Variants in CLASP1 observed in about 807,000 individuals in gnomAD.
CLASP1 encodes the protein CLIP-associating protein 1.
CLASP1 carries 38 observed loss-of-function variants against 192.3 expected under a neutral mutation model. The ratio of observed to expected loss-of-function variants is 0.20; its 90% CI spans 0.15 to 0.26. The LOEUF (loss-of-function observed/expected upper bound fraction) is 0.26, where lower values mean the gene tolerates loss of function less well. Among genes scored for constraint, CLASP1 ranks in the 10% least tolerant of loss-of-function variants. CLASP1 has a pLI of 1.00. For missense variants in CLASP1, 1,433 were observed against 1,932.5 expected, an observed-to-expected ratio of 0.74 and a Z score of 4.85; for synonymous variants, 691 against 712.8, an observed-to-expected ratio of 0.97 and a Z score of 0.49.
chr2:121,593,573 C>T (rs544006050), intron 2 of CLASP1, among the ~76,000 whole-genome samples: 30 of 145,714 alleles, frequency 2.1e-4, no homozygotes, highest in Admixed American at 1.9e-3. Context: ...GAGCTGAGAT[C>T]GTGCCACTGC....
chr2:121,631,929 C>T (rs906709841), intron 1 of CLASP1, among the ~76,000 whole-genome samples: 1 of 152,018 alleles, frequency 6.6e-6, no homozygotes, highest in Non-Finnish European at 1.5e-5. Flanking sequence ...CCCATGTAAT[C>T]CCAGCTACTC....
chr2:121,376,967 G>C (rs1382728632), intron 34 of CLASP1, among the ~76,000 whole-genome samples: 1 of 152,190 alleles, frequency 6.6e-6, no homozygotes, highest in Non-Finnish European at 1.5e-5. Context: ...ACATCATAGT[G>C]AGTTGTATAA....
chr2:121,454,687 T>C (rs2086247751), intron 14 of CLASP1, among the ~76,000 whole-genome samples: 2 of 152,238 alleles, frequency 1.3e-5, no homozygotes, highest in Non-Finnish European at 2.9e-5. Flanking sequence ...ATCCAGTCTG[T>C]AGTATTTTGT....
chr2:121,504,133 G>A (rs1396500892), intron 7 of CLASP1: 1 of 152,364 alleles, frequency 6.6e-6, no homozygotes, highest in Non-Finnish European at 1.5e-5. Flanking sequence ...TAGGGAGGCT[G>A]AGGCAGGAGA....
rs144287131 is a variant in CLASP1, at chr2:121,404,438, G to A, written c.2670-4C>T. On this transcript the variant is annotated splice_region_variant and splice_polypyrimidine_tract_variant and intron_variant, in intron 25 of 39. Transcript: ENST00000263710. ...CAACCTTTTCAGTTCAACTCGACTA[G>A]AAGAAATAAAACAGAAATCAATGAA... 1.7e-5 allele frequency: 28 copies of A among 1,607,288 alleles called. No individual in the cohort carries two copies. The highest frequency in any genetic ancestry group is 4.0e-5 in the African/African-American group (3 of 74,818).
At chr2:121,410,881 A>G (rs992566717) in exon 24 of CLASP1, 3 of 1,608,662 alleles carry the variant, frequency 1.9e-6, no homozygotes, top group Middle Eastern at 1.7e-4. Flanking sequence ...CATCAGCAAC[A>G]GCAGCTTCAA....
intron 2 of CLASP1, among the ~76,000 whole-genome samples, chr2:121,600,578 T>G (rs2063677777): frequency 6.6e-6 from 1 of 152,236 alleles, no homozygotes; most frequent in Admixed American, 6.5e-5. Context: ...TCTCAATTCC[T>G]TTAGGCAGTG....
rs954884945 is a variant in CLASP1, at chr2:121,468,222, T to C, written c.865+1586A>G. 2.6e-5 allele frequency among the ~76,000 whole-genome samples: 4 copies of C among 152,368 alleles called. No individual in the cohort carries two copies. In the South Asian group the frequency reaches 8.3e-4, roughly 32 times the overall value. Reference sequence around the variant, plus strand: ...TATAGTATAAAGTTGGATAGAGTGATGCCTCCAGCTTTGTTCTTTTTGCTT... The same window carrying C: ...TATAGTATAAAGTTGGATAGAGTGACGCCTCCAGCTTTGTTCTTTTTGCTT... On this transcript the variant is annotated intron_variant, in intron 9 of 39. Transcript: ENST00000263710.
chr2:121,530,907 C>A, intron 2 of CLASP1: 2 of 697,654 alleles, frequency 2.9e-6, no homozygotes, highest in Non-Finnish European at 5.2e-6. Context: ...GGTTGCGCTA[C>A]TGTCCAATGA....
chr2:121,361,793 T>C (rs553518091), intron 37 of CLASP1, among the ~76,000 whole-genome samples: 33 of 152,228 alleles, frequency 2.2e-4, no homozygotes, highest in Non-Finnish European at 4.1e-4. Flanking sequence ...TTATTATAAA[T>C]GAAAAGTGCT....
chr2:121,524,711 C>T (rs769921780), intron 6 of CLASP1, among the ~76,000 whole-genome samples: 1 of 152,184 alleles, frequency 6.6e-6, no homozygotes, highest in Non-Finnish European at 1.5e-5. Flanking sequence ...CCCACCTTGG[C>T]CTCCTAAAGT....
At chr2:121,647,716 T>G (rs1160056267) in intron 1 of CLASP1, among the ~76,000 whole-genome samples, 1 of 152,204 alleles carries the variant, frequency 6.6e-6, no homozygotes, top group Non-Finnish European at 1.5e-5. Context: ...TAACACAAAT[T>G]TATGGTGAAA....
At chr2:121,560,672 A>C (rs1007042532) in intron 2 of CLASP1, among the ~76,000 whole-genome samples, 2 of 152,214 alleles carry the variant, frequency 1.3e-5, no homozygotes, top group African/African-American at 4.8e-5. Context: ...TTTCAAGAAC[A>C]GCAAGTTACT....
At chr2:121,521,404 G>A (rs994208971) in intron 6 of CLASP1, among the ~76,000 whole-genome samples, 6 of 152,158 alleles carry the variant, frequency 3.9e-5, no homozygotes, top group African/African-American at 4.8e-5. Context: ...CAGGCCAACC[G>A]TGCGTGTGGT....
Position 121,566,239 on chromosome 2 carries a change from G to A in CLASP1, c.196-35914C>T, listed in dbSNP as rs1042473176. 2.6e-5 allele frequency among the ~76,000 whole-genome samples: 4 copies of A among 152,196 alleles called. No individual in the cohort carries two copies. The East Asian group carries it at 7.7e-4, about 29-fold the overall frequency. ...GGGGACGAAAGCAGTGGGACCACAG[G>A]CCAGACCTCAAGGTGCCTTGCATTT... On this transcript the variant is annotated intron_variant, in intron 2 of 39. Transcript: ENST00000263710.
At chr2:121,594,724 G>C (rs986695449) in intron 2 of CLASP1, among the ~76,000 whole-genome samples, 2 of 152,092 alleles carry the variant, frequency 1.3e-5, no homozygotes, top group Non-Finnish European at 2.9e-5. Context: ...GATTTAGATA[G>C]CTGTCCTAAC....
intron 37 of CLASP1, among the ~76,000 whole-genome samples, chr2:121,358,889 G>A (rs1172485202): frequency 6.6e-6 from 1 of 152,238 alleles, no homozygotes; most frequent in Non-Finnish European, 1.5e-5. Context: ...ATCCAGCACA[G>A]TGACATGAAT....
intron 2 of CLASP1, among the ~76,000 whole-genome samples, chr2:121,546,843 G>A (rs2057487065): frequency 1.3e-5 from 2 of 152,170 alleles, no homozygotes; most frequent in South Asian, 4.1e-4. Flanking sequence ...ATGAAAAAGA[G>A]GTCAGACTGC....
In CLASP1 at chr2:121,416,254, T is replaced by C. The variant is rs552557363; in HGVS notation, c.2320+2368A>G. Among the ~76,000 whole-genome samples, 122 of 152,342 alleles carry C rather than the reference T, an allele frequency of 8.0e-4. 1 individual carries two copies. The highest frequency in any genetic ancestry group is 1.3e-3 in the Non-Finnish European group (89 of 68,036). ...CTGGAATCCAAGGTAGACCCACTTATGTGAAAGCCTAATTTATAGCAGCCC... is the reference window on the plus strand; with the variant it reads ...CTGGAATCCAAGGTAGACCCACTTACGTGAAAGCCTAATTTATAGCAGCCC... On this transcript the variant is annotated intron_variant, in intron 23 of 39. Coordinates refer to ENST00000263710, the Ensembl canonical transcript of CLASP1.
Sources: allele counts gnomAD v4.1 joint callset (sites outside exome capture counted in the v4.1 genomes callset), GRCh38; gene constraint gnomAD v4.1.1; transcripts MANE v1.5; gene names NCBI Gene and HGNC (gene_info 2026-07-23, HGNC 2026-07-21).